Variants in MTERF4 observed in about 807,000 individuals in gnomAD.
The protein encoded by MTERF4 is mitochondrial transcription termination factor 4.
In MTERF4, 17 loss-of-function variants were observed where a neutral mutation model predicts 22.5. The observed-to-expected ratio is 0.75, with a 90% CI of 0.52 to 1.13. The LOEUF (loss-of-function observed/expected upper bound fraction) is 1.13. MTERF4 is among the 50% of genes most tolerant of loss of function. MTERF4 has a pLI of 0.00. For missense variants in MTERF4, 420 were observed against 466.8 expected (o/e 0.90, Z 0.92); for synonymous variants, 165 against 175.3 (o/e 0.94, Z 0.47).
downstream of MTERF4, chr2:241,068,001 C>T (rs2062534415): frequency 5.1e-6 from 7 of 1,359,682 alleles, no homozygotes; most frequent in African/African-American, 2.9e-5. This position sits in a 1 kb window ranked among gnomAD's most constrained non-coding sequence, Gnocchi z 5.3. Context: ...GGTGGGGGCT[C>T]GGGGACACGG....
At chr2:241,093,389 A>G (rs778825277), downstream of MTERF4, 48 of 152,598 alleles carry the variant, frequency 3.1e-4, no homozygotes, top group Admixed American at 1.6e-3. Context: ...GAAACTTTCT[A>G]CTCCCTACTA....
downstream of MTERF4, chr2:241,067,986 G>A (rs772417378): frequency 6.4e-7 from 1 of 1,564,588 alleles, no homozygotes; most frequent in South Asian, 1.1e-5. Flanking sequence ...TGGGGTGAAG[G>A]CAGGGGTGGG....
chr2:241,071,927 C>G, downstream of MTERF4: 1 of 1,409,282 alleles, frequency 7.1e-7, no homozygotes, highest in Non-Finnish European at 9.8e-7. Context: ...CCCTCGTCCT[C>G]ACTGCCACTC....
At chr2:241,066,594 G>A in the MTERF4 span, among the ~76,000 whole-genome samples, 4 of 151,442 alleles carry the variant, frequency 2.6e-5, no homozygotes, top group Admixed American at 6.6e-5. Context: ...AGGAAAAGGT[G>A]CTGAGAGCAC....
chr2:241,096,784 C>A lies in MTERF4; in HGVS notation c.706-346G>T. On this transcript the variant is annotated intron_variant, in intron 3 of 3. Transcript: ENST00000391980. This position sits in a 1 kb window ranked among gnomAD's most constrained non-coding sequence, Gnocchi z 5.1. The stretch of plus-strand genomic sequence containing the variant: ...AACATTCAGAAAACATCTAGAAATT[C>A]GACCTAAGTTGTCATAATTATTACC... The A allele has an allele frequency of 1.9e-6, 1 of 519,022 alleles. No homozygotes were observed. The allele number at this position is 519,022 out of a possible 1,614,324, so 32.2% of individuals were successfully genotyped here. A position where few individuals can be genotyped will look rare whatever the true frequency, so the allele number is the denominator to read the frequency against.
downstream of MTERF4, among the ~76,000 whole-genome samples, chr2:241,069,483 G>A (rs2062606253): frequency 6.6e-6 from 1 of 152,184 alleles, no homozygotes; most frequent in South Asian, 2.1e-4. The surrounding 1 kb of genome is among the most constrained non-coding windows in gnomAD (Gnocchi z 4.9). Context: ...ACTGGGCAGA[G>A]GGGAGGCTGC....
chr2:241,070,750 G>A (rs2062669193), downstream of MTERF4, among the ~76,000 whole-genome samples: 1 of 152,190 alleles, frequency 6.6e-6, no homozygotes, highest in Non-Finnish European at 1.5e-5. Context: ...CCAGGGTCCC[G>A]AACGCCCCAC....
At position 241,099,897 on chromosome 2, in the gene MTERF4, G is replaced by A. The variant is rs2064626487; in HGVS notation, c.22-3C>T. 6.2e-7 allele frequency: 1 copy of A among 1,610,000 alleles called. No individual in the cohort carries two copies. The highest frequency in any genetic ancestry group is 8.5e-7 in the Non-Finnish European group (1 of 1,179,822). On this transcript the variant is annotated splice_region_variant and splice_polypyrimidine_tract_variant and intron_variant, in intron 1 of 3. Coordinates refer to ENST00000391980, the MANE Select transcript of MTERF4 (RefSeq NM_182501.4). ...ATCAGGCGGTGCCAATCAAGGACCT[G>A]TAAGACACAGGACCAAAAGACAATT...
the MTERF4 span, chr2:241,053,438 C>T: frequency 9.2e-7 from 1 of 1,090,004 alleles, no homozygotes; most frequent in South Asian, 1.5e-5. Context: ...CAGCTCTGAC[C>T]TGGTCCTGCC....
the MTERF4 span, among the ~76,000 whole-genome samples, chr2:241,054,644 C>G: frequency 6.6e-6 from 1 of 152,110 alleles, no homozygotes; most frequent in Admixed American, 6.5e-5. Flanking sequence ...ATTGGCCATC[C>G]AAAACAGGAT....
At chr2:241,072,005 C>A, downstream of MTERF4, 1 of 853,998 alleles carries the variant, frequency 1.2e-6, no homozygotes. Context: ...GCCAGTGACC[C>A]CCACCCCGAC....
downstream of MTERF4, among the ~76,000 whole-genome samples, chr2:241,085,978 C>T (rs1288766492): frequency 1.3e-5 from 2 of 151,172 alleles, no homozygotes; most frequent in Non-Finnish European, 2.9e-5. Flanking sequence ...AGCTATTCTC[C>T]TGCCTCAGAC....
chr2:241,061,161 A>T, the MTERF4 span, among the ~76,000 whole-genome samples: 11 of 152,124 alleles, frequency 7.2e-5, no homozygotes, highest in African/African-American at 2.7e-4. Flanking sequence ...TACATGAAGA[A>T]CTCTGATAAA....
chr2:241,052,786 AGGCAGGTAAGGCCTGGGGGGC>A, the MTERF4 span, among the ~76,000 whole-genome samples: 2,050 of 116,234 alleles, frequency 0.018, 99 homozygotes, highest in East Asian at 0.1. Context: ...TGCTGGTGTC[AGGCAGGTAAGGCCTGGGGGGC>A]CCAAGCAGGG....
the MTERF4 span, chr2:241,048,263 A>T: frequency 2.6e-6 from 4 of 1,523,036 alleles, no homozygotes; most frequent in Non-Finnish European, 3.5e-6. Flanking sequence ...CGGGGAGACC[A>T]CTCTCCCCAC....
At chr2:241,054,091 G>A in the MTERF4 span, among the ~76,000 whole-genome samples, 19 of 151,716 alleles carry the variant, frequency 1.3e-4, 1 homozygote, top group Admixed American at 1.2e-3. Context: ...AGGGTTCTGG[G>A]AACACCTGGC....
the MTERF4 span, among the ~76,000 whole-genome samples, chr2:241,056,971 G>C: frequency 3.9e-5 from 6 of 152,174 alleles, no homozygotes; most frequent in Non-Finnish European, 4.4e-5. Context: ...CCCAGAAATA[G>C]AGGACAGAAT....
chr2:241,051,333 G>C, the MTERF4 span: 1 of 175,718 alleles, frequency 5.7e-6, no homozygotes, highest in Non-Finnish European at 1.2e-5. The surrounding 1 kb of genome is among the most constrained non-coding windows in gnomAD (Gnocchi z 4.7). Flanking sequence ...AGAACACACA[G>C]AAATCCAGAT....
exon 5 of MTERF4, chr2:241,072,825 A>G (rs995271459): frequency 5.0e-6 from 1 of 199,584 alleles, no homozygotes; most frequent in Non-Finnish European, 1.0e-5. Flanking sequence ...CTGCATAAGA[A>G]GTGATGCAGT....
Sources: gnomAD v4.1 joint callset for allele counts (sites outside exome capture counted in the v4.1 genomes callset) on GRCh38, gnomAD v4.1.1 for gene constraint, Gnocchi (gnomAD v3.1) non-coding constraint, MANE v1.5 for transcripts, NCBI Gene and HGNC (gene_info 2026-07-23, HGNC 2026-07-21) for gene names.